Variants in SDK2 observed in about 807,000 individuals in gnomAD.
SDK2 encodes protein sidekick-2.
In SDK2, 105 loss-of-function variants were observed where a neutral mutation model predicts 253.9. That is an observed-to-expected ratio of 0.41 (90% CI 0.35 to 0.49). SDK2 has a LOEUF of 0.49. Among genes scored for constraint, SDK2 ranks in the 20% least tolerant of loss-of-function variants. The pLI is 0.06. For missense variants in SDK2, 2,608 were observed against 3,003.0 expected (o/e 0.87, Z 3.07); for synonymous variants, 1,249 against 1,234.9 (o/e 1.01, Z -0.24).
At position 73,387,981 on chromosome 17, in the gene SDK2, T is replaced by G. The variant is rs780369029; in HGVS notation, c.4249A>C (p.Ser1417Arg). The G allele has an allele frequency of 1.1e-5, 17 of 1,570,728 alleles. No homozygotes were observed. Among genetic ancestry groups the G allele is most frequent in the Non-Finnish European group, 1.4e-5 (16 of 1,158,802 alleles). The change falls in exon 30 of 45, where the codon AGC becomes CGC. Residue 1417 changes from serine to arginine, a missense_variant. Physicochemically the swap from Ser to Arg is moderately radical, Grantham distance 110. Transcript: ENST00000392650. ...CCTGGCTCCCAGGACAGCAGCACGC[T>G]GCGTGCTCTCACATCCTCCTGCTGC... Reference protein sequence around the residue: ...MVQQEDVRARSVLLSWEPGSD... With the variant: ...MVQQEDVRARRVLLSWEPGSD...
rs1031478844 is a variant in SDK2, at chr17:73,467,366, G to C, written c.331+4746C>G. On this transcript the variant is annotated intron_variant, in intron 3 of 44. Coordinates refer to ENST00000392650, the MANE Select transcript of SDK2 (RefSeq NM_001144952.2). The surrounding 1 kb of genome is among the most constrained non-coding windows in gnomAD (Gnocchi z 4.1). Reference sequence around the variant, plus strand: ...TTCCTAACTGTGTGACTTAGACAAGGTGTGTCACCCGGCCGAGCCTCGGTT... The same window carrying C: ...TTCCTAACTGTGTGACTTAGACAAGCTGTGTCACCCGGCCGAGCCTCGGTT... 6.6e-6 allele frequency among the ~76,000 whole-genome samples: 1 copy of C among 152,082 alleles called. No individual in the cohort carries two copies. Among genetic ancestry groups the C allele is most frequent in the African/African-American group, 2.4e-5 (1 of 41,404 alleles).
At chr17:73,400,614 T>G (rs1249255433) in intron 21 of SDK2, among the ~76,000 whole-genome samples, 2 of 150,622 alleles carry the variant, frequency 1.3e-5, no homozygotes, top group Non-Finnish European at 2.9e-5. Flanking sequence ...GGGGAGAGCC[T>G]GTGGGAAGAA....
In SDK2 at chr17:73,398,192, T is replaced by A; in HGVS notation, c.3204-7A>T. Reference sequence around the variant, plus strand: ...CACCTGGCGCATGCGGAAGCTGGGGTTGGGGAGAGATGAGCAAGATGGTAA... The same window carrying A: ...CACCTGGCGCATGCGGAAGCTGGGGATGGGGAGAGATGAGCAAGATGGTAA... On this transcript the variant is annotated splice_polypyrimidine_tract_variant and splice_region_variant and intron_variant, in intron 23 of 44. Transcript: ENST00000392650. The A allele has an allele frequency of 6.2e-7, 1 of 1,609,384 alleles. No homozygotes were observed. The highest frequency in any genetic ancestry group is 1.7e-4 in the Middle Eastern group (1 of 6,044).
At chr17:73,343,522 A>G (rs1349076959) in intron 44 of SDK2, among the ~76,000 whole-genome samples, 1 of 152,210 alleles carries the variant, frequency 6.6e-6, no homozygotes, top group Non-Finnish European at 1.5e-5. Flanking sequence ...GGACCGGCCC[A>G]GCACAAAGGG....
chr17:73,350,433 C>T, intron 42 of SDK2, 58 bp from the exon 43 acceptor site: 2 of 1,564,152 alleles, frequency 1.3e-6, no homozygotes, highest in East Asian at 2.3e-5. Context: ...TCTCCCATAC[C>T]ACTCTCCACC....
intron 36 of SDK2, among the ~76,000 whole-genome samples, chr17:73,376,189 T>C (rs2062779207): frequency 6.9e-6 from 1 of 144,894 alleles, no homozygotes; most frequent in Non-Finnish European, 1.5e-5. Context: ...CAAGACTCCG[T>C]GTCAAAAAAA....
chr17:73,490,832 C>T (rs2063801384), intron 2 of SDK2, among the ~76,000 whole-genome samples: 1 of 152,028 alleles, frequency 6.6e-6, no homozygotes, highest in South Asian at 2.1e-4. Context: ...TGGCCCCAGG[C>T]AGTGTTCTAA....
At chr17:73,444,838 T>C (rs2063441330) in intron 5 of SDK2, among the ~76,000 whole-genome samples, 1 of 152,180 alleles carries the variant, frequency 6.6e-6, no homozygotes, top group Admixed American at 6.5e-5. Context: ...CTGGGATGCC[T>C]GTTCTCCAGC....
At chr17:73,433,547 C>A in intron 10 of SDK2, among the ~76,000 whole-genome samples, 185 bp downstream of exon 10, 1 of 152,180 alleles carries the variant, frequency 6.6e-6, no homozygotes, top group African/African-American at 2.4e-5. Flanking sequence ...CCTCAACCTC[C>A]CAAGATGCTG....
At chr17:73,358,403 C>T (rs983031830) in intron 39 of SDK2, among the ~76,000 whole-genome samples, 199 bp from the exon 40 acceptor site, 1 of 152,168 alleles carries the variant, frequency 6.6e-6, no homozygotes, top group African/African-American at 2.4e-5. Context: ...CCCTGGGCTA[C>T]CCCTATGCTC....
rs1297525016 is a variant in SDK2, at chr17:73,443,777, T to C, written c.614-2854A>G. The stretch of plus-strand genomic sequence containing the variant: ...CCCAGGTATCCTGGTGACTTCATCC[T>C]ACTGAGTTTCAGTCTTCTCAGGGGG... On this transcript the variant is annotated intron_variant, in intron 5 of 44. Coordinates refer to ENST00000392650, the MANE Select transcript of SDK2 (RefSeq NM_001144952.2). The surrounding 1 kb of genome is among the most constrained non-coding windows in gnomAD (Gnocchi z 4.6). 6.6e-6 allele frequency among the ~76,000 whole-genome samples: 1 copy of C among 152,182 alleles called. No individual in the cohort carries two copies. Among genetic ancestry groups the C allele is most frequent in the Admixed American group, 6.5e-5 (1 of 15,284 alleles).
rs539220925 is a variant in SDK2, at chr17:73,344,040, G to A, written c.6165+4559C>T. 2.0e-5 allele frequency among the ~76,000 whole-genome samples: 3 copies of A among 152,254 alleles called. No homozygotes were observed. In the South Asian group the frequency reaches 6.2e-4, roughly 32 times the overall value. On this transcript the variant is annotated intron_variant, in intron 44 of 44. Transcript: ENST00000392650. ...CTGTCCCCTGGATGCCTCTACCCGG[G>A]GGGCCAGCCAGGGTCTCTCTGCAGG...
intron 3 of SDK2, among the ~76,000 whole-genome samples, chr17:73,457,625 A>G (rs941217844): frequency 6.6e-5 from 10 of 151,880 alleles, no homozygotes; most frequent in African/African-American, 9.7e-5. Context: ...TGTTGGGATT[A>G]CAGGTCTGAG....
At chr17:73,420,194 G>C (rs1333590581) in intron 15 of SDK2, among the ~76,000 whole-genome samples, 1 of 152,240 alleles carries the variant, frequency 6.6e-6, no homozygotes, top group African/African-American at 2.4e-5. Flanking sequence ...GCTGGGGGAT[G>C]CTGTGTTCTG....
chr17:73,577,663 G>A (rs762980746), intron 1 of SDK2, among the ~76,000 whole-genome samples: 7 of 152,166 alleles, frequency 4.6e-5, no homozygotes, highest in Non-Finnish European at 5.9e-5. Context: ...CTACCTGGGC[G>A]TGAATCCTGC....
At chr17:73,363,203 C>G (rs768398133) in intron 38 of SDK2, among the ~76,000 whole-genome samples, 1 of 152,194 alleles carries the variant, frequency 6.6e-6, no homozygotes, top group Admixed American at 6.5e-5. Context: ...CCTGCCTCAG[C>G]CTCCCGAGTA....
At chr17:73,366,958 G>A (rs1429515119) in intron 37 of SDK2, among the ~76,000 whole-genome samples, 1 of 152,116 alleles carries the variant, frequency 6.6e-6, no homozygotes, top group East Asian at 1.9e-4. Context: ...ACCAGACCCT[G>A]TTGCTCAACT....
intron 17 of SDK2, among the ~76,000 whole-genome samples, chr17:73,415,163 C>A (rs1041102254): frequency 6.6e-6 from 1 of 152,104 alleles, no homozygotes; most frequent in African/African-American, 2.4e-5. Flanking sequence ...GTCCTCCCAC[C>A]CTGTGGGGTA....
chr17:73,594,298 G>A (rs1174571120), intron 1 of SDK2, among the ~76,000 whole-genome samples: 1 of 152,028 alleles, frequency 6.6e-6, no homozygotes, highest in Non-Finnish European at 1.5e-5. Context: ...GCCTTCCCCC[G>A]GGCAGCAGCT....
Sources: gnomAD v4.1 joint callset for allele counts (sites outside exome capture counted in the v4.1 genomes callset) on GRCh38, gnomAD v4.1.1 for gene constraint, Gnocchi (gnomAD v3.1) non-coding constraint, MANE v1.5 for transcripts, NCBI Gene and HGNC (gene_info 2026-07-23, HGNC 2026-07-21) for gene names.